Variants in CDK14 observed in about 807,000 individuals in gnomAD.
CDK14 encodes cyclin dependent kinase 14.
In CDK14, 34 loss-of-function variants were observed where a neutral mutation model predicts 60.7. That is an observed-to-expected ratio of 0.56 (90% CI 0.43 to 0.75). The LOEUF is 0.75. Ranked by LOEUF, CDK14 falls within the 30% of genes least tolerant of loss-of-function variation. The pLI is 0.00. For synonymous variants in CDK14, 197 were observed against 203.7 expected (o/e 0.97, Z 0.28); for missense variants, 482 against 564.1 (o/e 0.85, Z 1.47).
rs1419349344 is a variant in CDK14, at chr7:91,126,266, A to G, written c.*28+8058A>G. ...GAAGGAAAAAAATTATTTCACCTCT[A>G]TTAGTTAAGAATGCCCAGATTATCC... On this transcript the variant is annotated intron_variant, in intron 14 of 14. Coordinates refer to ENST00000380050, the MANE Select transcript of CDK14 (RefSeq NM_001287135.2). Among the ~76,000 whole-genome samples the G allele has an allele frequency of 2.0e-5, 3 of 152,322 alleles. No homozygotes were observed. In the East Asian group the frequency reaches 5.8e-4, roughly 29 times the overall value.
chr7:90,809,079 G>A (rs946605516), intron 5 of CDK14, among the ~76,000 whole-genome samples: 7 of 151,658 alleles, frequency 4.6e-5, no homozygotes, highest in South Asian at 2.1e-4. Context: ...GAAAGTTAAC[G>A]AGGATATCCA....
At chr7:91,176,644 A>G (rs1010946526) in intron 14 of CDK14, among the ~76,000 whole-genome samples, 4 of 152,182 alleles carry the variant, frequency 2.6e-5, no homozygotes, top group African/African-American at 9.6e-5. Flanking sequence ...CCGATCCCAC[A>G]GAAATACAAA....
chr7:90,715,358 C>T lies in CDK14; in HGVS notation c.124-11209C>T, dbSNP rs142024023. 5.2e-3 allele frequency among the ~76,000 whole-genome samples: 788 copies of T among 152,142 alleles called. 3 individuals are homozygous for T. Among genetic ancestry groups the T allele is most frequent in the Middle Eastern group, 0.01 (3 of 294 alleles). ...AGCATATGTGTGTATAGGTAGAAAG[C>T]GTCCTGGACCATATTATTGATTTCA... On this transcript the variant is annotated intron_variant, in intron 2 of 14. Transcript: ENST00000380050.
chr7:90,926,585 G>T (rs998688436), intron 8 of CDK14, among the ~76,000 whole-genome samples: 1 of 152,088 alleles, frequency 6.6e-6, no homozygotes, highest in Admixed American at 6.6e-5. Context: ...TTTCTTTTCA[G>T]ATTTCACCTT....
chr7:91,209,295 C>T lies in CDK14; in HGVS notation c.*2159C>T, dbSNP rs944483821. On this transcript the variant is annotated 3_prime_UTR_variant, in exon 15 of 15. Coordinates refer to ENST00000380050, the MANE Select transcript of CDK14 (RefSeq NM_001287135.2). ...GTGAAATATAACATTACTCAGTGGA[C>T]GGAGAAATCTGTTTTGTTACAGAGA... 5.3e-5 allele frequency: 8 copies of T among 152,170 alleles called. No individual in the cohort carries two copies. The highest frequency in any genetic ancestry group is 1.2e-4 in the African/African-American group (5 of 41,440). The allele number at this position is 152,170 out of a possible 1,614,324, so 9.4% of individuals were successfully genotyped here.
rs950911500 is a variant in CDK14, at chr7:90,682,547, A to G, written c.124-44020A>G. Among the ~76,000 whole-genome samples the G allele has an allele frequency of 3.9e-5, 6 of 152,344 alleles. No homozygotes were observed. In the East Asian group the frequency reaches 1.2e-3, roughly 29 times the overall value. On this transcript the variant is annotated intron_variant, in intron 2 of 14. Transcript: ENST00000380050. ...GATATCCACTTACATTATGCAGTGC[A>G]GTTATCACCTTCAGTATGTTTATAC... is the stretch of plus-strand genomic sequence containing the variant.
intron 2 of CDK14, among the ~76,000 whole-genome samples, chr7:90,641,562 C>T (rs995089924): frequency 6.6e-6 from 1 of 151,940 alleles, no homozygotes; most frequent in East Asian, 1.9e-4. Context: ...TATGAAATGT[C>T]CAAAATAGGT....
intron 10 of CDK14, among the ~76,000 whole-genome samples, chr7:91,019,348 C>G (rs1796382023): frequency 6.6e-6 from 1 of 152,182 alleles, no homozygotes. Flanking sequence ...CTACTGCATC[C>G]TTACCCAGGG....
At chr7:91,124,880 C>G (rs1166765193) in intron 14 of CDK14, among the ~76,000 whole-genome samples, 1 of 152,042 alleles carries the variant, frequency 6.6e-6, no homozygotes, top group African/African-American at 2.4e-5. Flanking sequence ...TGTATTTTTC[C>G]TTTTCATTTA....
intron 2 of CDK14, among the ~76,000 whole-genome samples, chr7:90,701,746 A>G (rs1031931984): frequency 1.3e-5 from 2 of 152,216 alleles, no homozygotes; most frequent in Non-Finnish European, 2.9e-5. Context: ...GAAGAGAAGT[A>G]TTGCAGGATA....
chr7:90,903,168 TGGA>T (rs1178903134), intron 7 of CDK14, among the ~76,000 whole-genome samples: 3 of 152,128 alleles, frequency 2.0e-5, no homozygotes, highest in Non-Finnish European at 4.4e-5. Flanking sequence ...GGAGAACCTA[TGGA>T]GGTTTCTTAA....
intron 12 of CDK14, among the ~76,000 whole-genome samples, chr7:91,098,329 G>T (rs1799056642): frequency 6.6e-6 from 1 of 151,948 alleles, no homozygotes; most frequent in African/African-American, 2.4e-5. Context: ...GTGATTTTCT[G>T]CAGTCCTAAC....
chr7:90,726,582 A>G lies in CDK14; in HGVS notation c.139A>G (p.Met47Val). The G allele has an allele frequency of 1.2e-6, 2 of 1,613,426 alleles. No homozygotes were observed. Among genetic ancestry groups the G allele is most frequent in the Non-Finnish European group, 1.7e-6 (2 of 1,179,578 alleles). The change falls in exon 3 of 15, where the codon ATG (methionine) becomes GTG (valine). Residue 47 changes from methionine (M) to valine (V), a missense_variant. Physicochemically the swap from Met to Val is conservative, Grantham distance 21. Coordinates refer to ENST00000380050, the MANE Select transcript of CDK14 (RefSeq NM_001287135.2). ...TTFDEICVTK[M>V]STRNCQGMDS... ...CTTTTCTCAGATATGTGTCACAAAG[A>G]TGTCTACACGGAACTGCCAGGGAAT...
intron 2 of CDK14, chr7:90,726,244 A>G (rs539780645): frequency 1.1e-6 from 1 of 939,416 alleles, no homozygotes; most frequent in African/African-American, 1.8e-5. Flanking sequence ...TGATTCAGAA[A>G]TAAACCACTT....
At chr7:90,736,228 G>A (rs1400227977) in intron 3 of CDK14, among the ~76,000 whole-genome samples, 2 of 151,800 alleles carry the variant, frequency 1.3e-5, no homozygotes, top group African/African-American at 2.4e-5. Flanking sequence ...CTTCCGTGTT[G>A]ATCTCGCTGG....
At chr7:90,809,451 C>A (rs1049360687) in intron 5 of CDK14, among the ~76,000 whole-genome samples, 50 of 152,016 alleles carry the variant, frequency 3.3e-4, no homozygotes, top group Non-Finnish European at 6.0e-4. Flanking sequence ...ATACCAAAAT[C>A]TCTGGGACAC....
intron 11 of CDK14, among the ~76,000 whole-genome samples, chr7:91,053,900 C>G (rs1459409007): frequency 1.3e-5 from 2 of 152,090 alleles, no homozygotes; most frequent in African/African-American, 2.4e-5. Context: ...CCTTACTCTT[C>G]TAGAAGAGTC....
At chr7:91,096,990 A>G (rs1419061500) in intron 12 of CDK14, among the ~76,000 whole-genome samples, 1 of 152,232 alleles carries the variant, frequency 6.6e-6, no homozygotes, top group Non-Finnish European at 1.5e-5. Context: ...GGATGTCAAA[A>G]ATTTTTTCTT....
intron 6 of CDK14, among the ~76,000 whole-genome samples, chr7:90,895,354 T>TCCTCTCCTCTCCTCCCCTCC (rs1792270842): frequency 2.5e-5 from 1 of 39,436 alleles, no homozygotes; most frequent in African/African-American, 1.1e-4. Flanking sequence ...TCCTCTCCTC[T>TCCTCTCCTCTCCTCCCCTCC]CCTCACCTCT....
Sources: gnomAD v4.1 joint callset for allele counts (sites outside exome capture counted in the v4.1 genomes callset) on GRCh38, gnomAD v4.1.1 for gene constraint, MANE v1.5 for transcripts, NCBI Gene and HGNC (gene_info 2026-07-23, HGNC 2026-07-21) for gene names.